Variants in CPM observed in about 807,000 individuals in gnomAD.
CPM encodes the protein renal carboxypeptidase.
In CPM, 35 loss-of-function variants were observed where a neutral mutation model predicts 46.4. That is an observed-to-expected ratio of 0.75 (90% CI 0.58 to 1.00). The LOEUF (loss-of-function observed/expected upper bound fraction) is 1.00, where lower values mean the gene tolerates loss of function less well. Among genes scored for constraint, CPM ranks in the 50% least tolerant of loss-of-function variants. The probability of loss-of-function intolerance (pLI) is 0.00; values close to 1 mark genes in which losing one functional copy is unlikely to be tolerated. For missense variants in CPM, 422 were observed against 530.4 expected (o/e 0.80, Z 2.01); for synonymous variants, 195 against 195.3 (o/e 1.00, Z 0.01).
chr12:68,898,788 G>A (rs1286430595), intron 2 of CPM, among the ~76,000 whole-genome samples: 4 of 152,160 alleles, frequency 2.6e-5, no homozygotes, highest in African/African-American at 9.7e-5. Flanking sequence ...GTGGTATTGG[G>A]CAAATTGCTT....
intron 2 of CPM, among the ~76,000 whole-genome samples, chr12:68,924,882 A>G (rs1270046959): frequency 1.3e-5 from 2 of 152,166 alleles, no homozygotes; most frequent in African/African-American, 4.8e-5. Context: ...ATCATGAGAG[A>G]TCTGTGTATG....
chr12:68,914,715 C>T (rs1887736123), intron 2 of CPM, among the ~76,000 whole-genome samples: 2 of 152,114 alleles, frequency 1.3e-5, no homozygotes, highest in South Asian at 4.2e-4. Context: ...CATCCCCAAG[C>T]GGTCCTCTGT....
intron 8 of CPM, 114 bp from the exon 9 acceptor site, chr12:68,856,793 A>G (rs956950015): frequency 1.8e-5 from 25 of 1,355,288 alleles, no homozygotes; most frequent in South Asian, 4.2e-5. Context: ...GCATGTAACA[A>G]TCTACCAGAC....
upstream of CPM, chr12:68,933,337 C>T (rs868697716): frequency 6.6e-6 from 1 of 151,878 alleles, no homozygotes; most frequent in Non-Finnish European, 1.5e-5. Context: ...CGCGGTGCGC[C>T]CTTTCGTGGC....
chr12:68,877,593 T>C (rs1053250791), intron 3 of CPM, among the ~76,000 whole-genome samples: 1 of 152,206 alleles, frequency 6.6e-6, no homozygotes, highest in Non-Finnish European at 1.5e-5. Context: ...AAAACATGCT[T>C]AAAATGAATT....
rs566494985 is a variant in CPM, at chr12:68,855,648, T to G, written c.*789A>C. Reference sequence around the variant, plus strand: ...AAACAATTCCCAGTCCTATGATCATTTCTCCCTTCTTCTGAGAACTAATTA... The same window carrying G: ...AAACAATTCCCAGTCCTATGATCATGTCTCCCTTCTTCTGAGAACTAATTA... On this transcript the variant is annotated 3_prime_UTR_variant, in exon 9 of 9. Coordinates refer to ENST00000551568, the MANE Select transcript of CPM (RefSeq NM_198320.5). The G allele has an allele frequency of 3.3e-5, 5 of 152,200 alleles. No individual in the cohort carries two copies. Among genetic ancestry groups the G allele is most frequent in the African/African-American group, 1.2e-4 (5 of 41,546 alleles). 9.4% of individuals were successfully genotyped at this position (152,200 alleles called of 1,614,324 possible). A position where few individuals can be genotyped will look rare whatever the true frequency, so the allele number is the denominator to read the frequency against.
intron 2 of CPM, among the ~76,000 whole-genome samples, chr12:68,904,584 A>C (rs1028184320): frequency 1.3e-5 from 2 of 152,258 alleles, no homozygotes; most frequent in African/African-American, 4.8e-5. Context: ...AATGCTGAGC[A>C]ACAGAATTGC....
At chr12:68,916,534 G>A (rs1296260988) in intron 2 of CPM, among the ~76,000 whole-genome samples, 2 of 152,060 alleles carry the variant, frequency 1.3e-5, no homozygotes, top group East Asian at 3.9e-4. Flanking sequence ...TATTTACCCT[G>A]GTGTGTTTGT....
chr12:68,872,251 C>T (rs1005908163), intron 3 of CPM, among the ~76,000 whole-genome samples: 1 of 98,390 alleles, frequency 1.0e-5, no homozygotes, highest in East Asian at 2.6e-4. Flanking sequence ...GCTGCTGCTT[C>T]CTTTTTTTTT....
At chr12:68,894,342 T>G (rs1181178409) in intron 2 of CPM, among the ~76,000 whole-genome samples, 2 of 152,176 alleles carry the variant, frequency 1.3e-5, no homozygotes, top group East Asian at 3.8e-4. Flanking sequence ...TACTGTAACA[T>G]TTCAAAAATT....
At chr12:68,902,441 C>T (rs879612765) in intron 2 of CPM, among the ~76,000 whole-genome samples, 2 of 152,174 alleles carry the variant, frequency 1.3e-5, no homozygotes, top group Non-Finnish European at 2.9e-5. Context: ...GACCCACTAA[C>T]AATGATCACT....
intron 3 of CPM, among the ~76,000 whole-genome samples, chr12:68,875,136 A>C (rs962209846): frequency 6.6e-6 from 1 of 152,082 alleles, no homozygotes; most frequent in African/African-American, 2.4e-5. Context: ...AGATCACCTG[A>C]GGTCAGGAGT....
intron 7 of CPM, 100 bp downstream of exon 7, chr12:68,866,796 C>A: frequency 9.9e-7 from 1 of 1,005,814 alleles, no homozygotes; most frequent in South Asian, 1.5e-5. Flanking sequence ...GAGGCTATAA[C>A]TACAAAGCAT....
At chr12:68,861,365 T>C (rs533872808) in intron 7 of CPM, among the ~76,000 whole-genome samples, 1 of 152,346 alleles carries the variant, frequency 6.6e-6, no homozygotes, top group South Asian at 2.1e-4. Context: ...ACAGTCTTCA[T>C]GCCACTTAGA....
At chr12:68,848,591 C>A (rs1236783602), downstream of CPM, 1 of 152,218 alleles carries the variant, frequency 6.6e-6, no homozygotes, top group Non-Finnish European at 1.5e-5. Flanking sequence ...GAGAGAGGGT[C>A]TTGGCTGAAA....
intron 7 of CPM, among the ~76,000 whole-genome samples, chr12:68,865,619 C>A (rs1437080080): frequency 7.7e-6 from 1 of 130,082 alleles, no homozygotes. Flanking sequence ...CACACACACC[C>A]ACACACACAC....
At chr12:68,921,471 G>C (rs1888041115) in intron 2 of CPM, among the ~76,000 whole-genome samples, 1 of 152,142 alleles carries the variant, frequency 6.6e-6, no homozygotes, top group Admixed American at 6.5e-5. Flanking sequence ...GCAGGGGTGA[G>C]TGTGATGGTG....
chr12:68,875,770 C>T (rs1305838563), intron 3 of CPM, among the ~76,000 whole-genome samples: 8 of 147,456 alleles, frequency 5.4e-5, no homozygotes, highest in Admixed American at 4.1e-4. Flanking sequence ...TATACCACTG[C>T]ACTCTAGCCT....
In CPM at chr12:68,916,879, C is replaced by T. The variant is rs567654284; in HGVS notation, c.160+15799G>A. 3.0e-5 allele frequency among the ~76,000 whole-genome samples: 4 copies of T among 132,796 alleles called. No individual in the cohort carries two copies. In the South Asian group the frequency reaches 9.7e-4, roughly 32 times the overall value. 87.1% of individuals were successfully genotyped at this position (132,796 alleles called of 152,430 possible). ...CTCCAGCCTGGGTGACAGAGCGAGA[C>T]TCTTGTCTCAAAAAAAAAAAAAAAA... On this transcript the variant is annotated intron_variant, in intron 2 of 8. Coordinates refer to ENST00000551568, the MANE Select transcript of CPM (RefSeq NM_198320.5).
Sources: gnomAD v4.1 joint callset for allele counts (sites outside exome capture counted in the v4.1 genomes callset) on GRCh38, gnomAD v4.1.1 for gene constraint, MANE v1.5 for transcripts, NCBI Gene and HGNC (gene_info 2026-07-23, HGNC 2026-07-21) for gene names.